The following RASSF6 variants were observed in gnomAD, a reference collection of about 807,000 sequenced individuals.
RASSF6 encodes the protein Ras association domain family member 6, also known as ras association domain-containing protein 6.
A neutral mutation model predicts 44.0 loss-of-function variants in RASSF6; 52 were observed. The observed-to-expected ratio is 1.18, with a 90% CI of 0.95 to 1.49. The LOEUF (loss-of-function observed/expected upper bound fraction) is 1.49, where lower values mean the gene tolerates loss of function less well. RASSF6 is among the 40% of genes most tolerant of loss of function. RASSF6 has a pLI of 0.00. For missense variants in RASSF6, 464 were observed against 393.3 expected, an observed-to-expected ratio of 1.18 and a Z score of -1.52; for synonymous variants, 162 against 124.6, an observed-to-expected ratio of 1.30 and a Z score of -2.00.
chr4:73,595,525 G>A (rs901861342), intron 3 of RASSF6, among the ~76,000 whole-genome samples: 1 of 152,094 alleles, frequency 6.6e-6, no homozygotes, highest in East Asian at 1.9e-4. Flanking sequence ...TATAAATGGA[G>A]CACTGATGTA....
chr4:73,603,741 T>C (rs1358088089), intron 2 of RASSF6, among the ~76,000 whole-genome samples: 3 of 152,204 alleles, frequency 2.0e-5, no homozygotes, highest in African/African-American at 7.2e-5. Flanking sequence ...TTTTATTTAA[T>C]TTTATAAAAC....
At chr4:73,617,927 C>A (rs1182993505) in intron 1 of RASSF6, among the ~76,000 whole-genome samples, 1 of 152,076 alleles carries the variant, frequency 6.6e-6, no homozygotes, top group East Asian at 1.9e-4. Context: ...ACTCTAGTAA[C>A]CGTGAATTCC....
chr4:73,612,912 T>A (rs1246970751), intron 1 of RASSF6, among the ~76,000 whole-genome samples: 1 of 152,144 alleles, frequency 6.6e-6, no homozygotes, highest in Admixed American at 6.5e-5. Flanking sequence ...TTGAAACATT[T>A]CTTCAACACC....
At chr4:73,590,209 C>T (rs1354702130) in intron 4 of RASSF6, among the ~76,000 whole-genome samples, 2 of 152,148 alleles carry the variant, frequency 1.3e-5, no homozygotes, top group Admixed American at 1.3e-4. Flanking sequence ...TTTTTAAAAG[C>T]TTCTTCACTC....
At chr4:73,615,985 T>A (rs907300112) in intron 1 of RASSF6, 2 of 1,481,586 alleles carry the variant, frequency 1.3e-6, no homozygotes, top group African/African-American at 2.8e-5. Flanking sequence ...TAACTTCCTG[T>A]TATCCAACCA....
Position 73,619,066 on chromosome 4 carries a change from C to A in RASSF6, c.-35+1222G>T, listed in dbSNP as rs192283503. Among the ~76,000 whole-genome samples, 667 of 152,266 alleles carry A rather than the reference C, an allele frequency of 4.4e-3. 8 individuals are homozygous for A. The highest frequency in any genetic ancestry group is 0.015 in the African/African-American group (625 of 41,556). On this transcript the variant is annotated intron_variant, in intron 1 of 10. Coordinates refer to ENST00000307439, the MANE Select transcript of RASSF6 (RefSeq NM_177532.5). ...ATTAAAAACAGCACTTCAATACAAA[C>A]AATTCAATATGTGCTGAAATATAAA... is the stretch of plus-strand genomic sequence containing the variant.
chr4:73,618,304 T>TCTATCTATCTATCTATCTATCTAC (rs1726496459), intron 1 of RASSF6, among the ~76,000 whole-genome samples: 1 of 151,942 alleles, frequency 6.6e-6, no homozygotes, highest in Admixed American at 6.6e-5. Flanking sequence ...AAAGTTGTTA[T>TCTATCTATCTATCTATCTATCTAC]CTATCTATCT....
chr4:73,576,205 G>T lies in RASSF6; in HGVS notation c.*30C>A, dbSNP rs751294048. On this transcript the variant is annotated 3_prime_UTR_variant, in exon 11 of 11. Coordinates refer to ENST00000307439, the MANE Select transcript of RASSF6 (RefSeq NM_177532.5). ...AAAGAGTAATATCTCTGAGTTTTTT[G>T]AAATGTTTTAGCAATAGAAGCTTGT... The T allele has an allele frequency of 6.2e-6, 8 of 1,292,106 alleles. No homozygotes were observed. The highest frequency in any genetic ancestry group is 2.6e-5 in the South Asian group (2 of 76,556). The allele number at this position is 1,292,106 out of a possible 1,614,324, so 80.0% of individuals were successfully genotyped here.
rs1723672445 is a variant in RASSF6 at position 73,581,851 on chromosome 4, C to T, written c.687G>A (p.Gln229=). The T allele has an allele frequency of 6.2e-7, 1 of 1,609,952 alleles. No homozygotes were observed. Residue 229 remains glutamine, a synonymous_variant, in exon 8 of 11, where the codon CAG becomes CAA. Transcript: ENST00000307439. ...CAAAAATAATGTGAAGAGCAAAATC[C>T]TGGGGACTATTTTCAATCTGTCAAG... is the stretch of plus-strand genomic sequence containing the variant. ...LQKFKIENSP[Q]DFALHIIFAT...
rs1723061897 is a variant in RASSF6 at position 73,573,967 on chromosome 4, G to A, written c.*2268C>T. ...GACAGGCCAGGCTACTGGAGAGCAG[G>A]CTTTTTTCCTTCACTACTTTGCCTG... On this transcript the variant is annotated 3_prime_UTR_variant, in exon 11 of 11. Coordinates refer to ENST00000307439, the MANE Select transcript of RASSF6 (RefSeq NM_177532.5). The A allele has an allele frequency of 6.6e-6, 1 of 152,262 alleles. No homozygotes were observed. Among genetic ancestry groups the A allele is most frequent in the Non-Finnish European group, 1.5e-5 (1 of 68,074 alleles). 9.4% of individuals were successfully genotyped at this position (152,262 alleles called of 1,614,324 possible). A position where few individuals can be genotyped will look rare whatever the true frequency, so the allele number is the denominator to read the frequency against.
At position 73,603,480 on chromosome 4, in the gene RASSF6, C is replaced by G. The variant is rs567829389; in HGVS notation, c.66-4762G>C. ...AGGAGAGACTGACCTTGGTGGGGGG[C>G]AGGTCAGGGGGAGGGATGCTGAGGG... On this transcript the variant is annotated intron_variant, in intron 2 of 10. Transcript: ENST00000307439. Among the ~76,000 whole-genome samples, 19 of 151,942 alleles carry G rather than the reference C, an allele frequency of 1.3e-4. No individual in the cohort carries two copies. In the East Asian group the frequency reaches 3.3e-3, roughly 26 times the overall value.
rs780490961 is a variant in RASSF6 at position 73,611,801 on chromosome 4, C to T, written c.-6G>A. The T allele has an allele frequency of 6.2e-7, 1 of 1,610,170 alleles. No homozygotes were observed. Among genetic ancestry groups the T allele is most frequent in the Non-Finnish European group, 8.5e-7 (1 of 1,177,036 alleles). The stretch of plus-strand genomic sequence containing the variant: ...TGGTGAGCCATCATAGTCATCTTTT[C>T]CTCCTTTTTGAGATGGTCTGAGGAT... On this transcript the variant is annotated 5_prime_UTR_variant, in exon 2 of 11. Transcript: ENST00000307439.
intron 1 of RASSF6, among the ~76,000 whole-genome samples, chr4:73,616,207 A>G (rs1428514452): frequency 6.6e-6 from 1 of 151,130 alleles, no homozygotes; most frequent in Non-Finnish European, 1.5e-5. Context: ...GAACTAATAT[A>G]TATACATATA....
In RASSF6 at chr4:73,576,509, TAAGA is replaced by T; in HGVS notation, c.841-6_841-3del. 6.4e-7 allele frequency: 1 copy of T among 1,563,060 alleles called. No individual in the cohort carries two copies. The highest frequency in any genetic ancestry group is 8.7e-7 in the Non-Finnish European group (1 of 1,152,846). ...GTGAAAGTTAATGTACTGAGCCACC[TAAGA>T]AAGAAGAAGAAGAAAAAAAAAAGAA... On this transcript the variant is annotated splice_region_variant and splice_polypyrimidine_tract_variant and intron_variant, in intron 9 of 10. Coordinates refer to ENST00000307439, the MANE Select transcript of RASSF6 (RefSeq NM_177532.5).
intron 8 of RASSF6, among the ~76,000 whole-genome samples, chr4:73,578,020 G>A (rs533352980): frequency 0.092 from 46 of 502 alleles, no homozygotes; most frequent in South Asian, 0.45. Flanking sequence ...GGAGCCATAT[G>A]CTCTCTTCTG....
In RASSF6 at chr4:73,598,737, T is replaced by A; in HGVS notation, c.66-19A>T. 9.5e-7 allele frequency: 1 copy of A among 1,057,116 alleles called. No individual in the cohort carries two copies. The highest frequency in any genetic ancestry group is 1.4e-6 in the Non-Finnish European group (1 of 722,322). 65.5% of individuals were successfully genotyped at this position (1,057,116 alleles called of 1,614,324 possible). ...TTGTTCCCTAAAAATAAAAAAAAAT[T>A]AATTACAATCAGTCTTAGAGTTTTT... On this transcript the variant is annotated intron_variant, in intron 2 of 10. Transcript: ENST00000307439.
chr4:73,585,434 T>C, intron 5 of RASSF6, 70 bp from the exon 6 acceptor site: 1 of 1,024,782 alleles, frequency 9.8e-7, no homozygotes, highest in Middle Eastern at 2.2e-4. Context: ...TGGATTTGTG[T>C]ATGCTTTCAT....
At position 73,573,721 on chromosome 4, in the gene RASSF6, T is replaced by C. The variant is rs1723038319; in HGVS notation, c.*2514A>G. On this transcript the variant is annotated 3_prime_UTR_variant, in exon 11 of 11. Coordinates refer to ENST00000307439, the MANE Select transcript of RASSF6 (RefSeq NM_177532.5). ...CTTAATCTTTGCTAATAGGCCAAAA[T>C]GTGTATTTATTTATTTATTTTACTT... The C allele has an allele frequency of 6.6e-6, 1 of 152,188 alleles. No homozygotes were observed. Among genetic ancestry groups the C allele is most frequent in the Admixed American group, 6.5e-5 (1 of 15,280 alleles). 9.4% of individuals were successfully genotyped at this position (152,188 alleles called of 1,614,324 possible). A position where few individuals can be genotyped will look rare whatever the true frequency, so the allele number is the denominator to read the frequency against.
rs774224075 is a variant in RASSF6 at position 73,576,654 on chromosome 4, T to C, written c.799A>G (p.Ile267Val). 1.9e-6 allele frequency: 3 copies of C among 1,613,770 alleles called. No homozygotes were observed. The highest frequency in any genetic ancestry group is 2.2e-5 in the East Asian group (1 of 44,866). Reference protein sequence around the residue: ...LQGPSEKNARIFLMDKDAEEI... With the variant: ...LQGPSEKNARVFLMDKDAEEI... The stretch of plus-strand genomic sequence containing the variant: ...TCTGCATCTTTATCCATGAGGAAAA[T>C]GCGAGCATTCTTTTCAGAAGGTCCC... The change falls in exon 9 of 11, where the codon ATT becomes GTT. Residue 267 changes from isoleucine to valine, a missense_variant. By Grantham distance (29) the Ile-to-Val change is conservative. Transcript: ENST00000307439.
Sources: allele counts gnomAD v4.1 joint callset (sites outside exome capture counted in the v4.1 genomes callset), GRCh38; gene constraint gnomAD v4.1.1; transcripts MANE v1.5; gene names NCBI Gene and HGNC (gene_info 2026-07-23, HGNC 2026-07-21).